Variants in OAS3 observed in about 807,000 individuals in gnomAD.
OAS3 encodes 2'-5'-oligoadenylate synthetase 3, also known as 2'-5'-oligoadenylate synthase 3.
In OAS3, 107 loss-of-function variants were observed where a neutral mutation model predicts 113.0. The ratio of observed to expected loss-of-function variants is 0.95; its 90% confidence interval spans 0.81 to 1.11. The LOEUF is 1.11. OAS3 is among the 50% of genes most tolerant of loss of function. The pLI, the probability that OAS3 is intolerant of heterozygous loss-of-function variation, is 0.00. For missense variants in OAS3, 1,258 were observed against 1,389.1 expected (o/e 0.91, Z 1.50); for synonymous variants, 552 against 573.6 (o/e 0.96, Z 0.54).
Position 112,949,997 on chromosome 12 carries a change from C to T in OAS3, c.1375-696C>T, listed in dbSNP as rs375011401. ...CCATGCCACTGCACTCCAGCCTGGG[C>T]GACAAGAGTGAAACTCCGTCTCAAA... On this transcript the variant is annotated intron_variant, in intron 6 of 15. Transcript: ENST00000228928. Among the ~76,000 whole-genome samples, 544 of 152,126 alleles carry T rather than the reference C, an allele frequency of 3.6e-3. 2 individuals are homozygous for T. The highest frequency in any genetic ancestry group is 0.012 in the African/African-American group (487 of 41,494).
chr12:112,951,014 A>T, intron 7 of OAS3, 39 bp downstream of exon 7: 2 of 1,577,312 alleles, frequency 1.3e-6, no homozygotes, highest in South Asian at 2.3e-5. Context: ...AGTGATAGGG[A>T]CCTCAGGCGC....
At chr12:112,942,350 G>T (rs1381643212) in intron 2 of OAS3, 1 of 192,766 alleles carries the variant, frequency 5.2e-6, no homozygotes, top group African/African-American at 2.3e-5. Flanking sequence ...TACTAATGGG[G>T]ATAATAGTAA....
rs139848842 is a variant in OAS3, at chr12:112,970,701, T to G, written c.*728T>G. On this transcript the variant is annotated 3_prime_UTR_variant, in exon 16 of 16. Transcript: ENST00000228928. ...GAGCTCGGTTGCTAGCAGGAGAGCATGCCCATATTGGCTTACTTTGTCTGC... is the reference window on the plus strand; with the variant it reads ...GAGCTCGGTTGCTAGCAGGAGAGCAGGCCCATATTGGCTTACTTTGTCTGC... 1 of 152,576 alleles carries G rather than the reference T, an allele frequency of 6.6e-6. No individual in the cohort carries two copies. Among genetic ancestry groups the G allele is most frequent in the East Asian group, 1.9e-4 (1 of 5,194 alleles). The allele number at this position is 152,576 out of a possible 1,614,324, so 9.5% of individuals were successfully genotyped here. A position where few individuals can be genotyped will look rare whatever the true frequency, so the allele number is the denominator to read the frequency against.
chr12:112,966,040 C>T lies in OAS3; in HGVS notation c.2689+11C>T, dbSNP rs2043930719. ...CCTTTGACGCCCTAGGTGAGGTGCC[C>T]TGGCGTAGACCTGAGAGGGGGAAAT... is the stretch of plus-strand genomic sequence containing the variant. On this transcript the variant is annotated intron_variant, in intron 12 of 15. Coordinates refer to ENST00000228928, the MANE Select transcript of OAS3 (RefSeq NM_006187.4). The T allele has an allele frequency of 1.2e-6, 2 of 1,613,400 alleles. No homozygotes were observed. The highest frequency in any genetic ancestry group is 1.7e-6 in the Non-Finnish European group (2 of 1,179,438).
At chr12:112,966,995 G>T (rs1055382070) in intron 12 of OAS3, among the ~76,000 whole-genome samples, 1 of 152,120 alleles carries the variant, frequency 6.6e-6, no homozygotes, top group Non-Finnish European at 1.5e-5. Context: ...GCAAGAATTT[G>T]GATATTAAGG....
intron 4 of OAS3, among the ~76,000 whole-genome samples, 173 bp from the exon 5 acceptor site, chr12:112,947,773 A>C (rs901351653): frequency 6.6e-6 from 1 of 152,220 alleles, no homozygotes; most frequent in African/African-American, 2.4e-5. Flanking sequence ...AATGATAAGC[A>C]GGCAATGTTG....
rs201050892 is a variant in OAS3 at position 112,950,798 on chromosome 12, G to A, written c.1480G>A (p.Ala494Thr). ...CTACAAGGACCAGGGGCCCCGCCGC[G>A]CAGAGATCCTTGATGAGATGCGAGC... ...TDYKDQGPRR[A>T]EILDEMRAQL... The change falls in exon 7 of 16, where the codon GCA becomes ACA. Residue 494 changes from alanine to threonine, a missense_variant. By Grantham distance (58) the Ala-to-Thr change is moderately conservative (BLOSUM62 0). Transcript: ENST00000228928. 2.0e-5 allele frequency: 33 copies of A among 1,613,882 alleles called. No homozygotes were observed. Among genetic ancestry groups the A allele is most frequent in the Middle Eastern group, 1.6e-4 (1 of 6,084 alleles).
Position 112,961,303 on chromosome 12 carries a change from C to A in OAS3, c.1833+57C>A. The A allele has an allele frequency of 2.7e-6, 4 of 1,505,522 alleles. No individual in the cohort carries two copies. The Admixed American group carries it at 5.4e-5, about 20-fold the overall frequency. 93.3% of individuals were successfully genotyped at this position (1,505,522 alleles called of 1,614,324 possible). A position where few individuals can be genotyped will look rare whatever the true frequency, so the allele number is the denominator to read the frequency against. ...ACCACTGTCATGGCAACCACCCCAG[C>A]CAATCAGTTCCTCCTCTACACCCAC... On this transcript the variant is annotated intron_variant, in intron 8 of 15. Transcript: ENST00000228928.
chr12:112,967,540 C>T lies in OAS3; in HGVS notation c.2812C>T (p.Arg938Cys), dbSNP rs773600696. 1.4e-5 allele frequency: 23 copies of T among 1,613,764 alleles called. No individual in the cohort carries two copies. In the African/African-American group the frequency reaches 1.7e-4, roughly 12 times the overall value. ...TELQRDFIIS[R>C]PTKLKSLIRL... Reference sequence around the variant, plus strand: ...GCTACAACGGGACTTCATCATCTCTCGCCCTACCAAGCTGAAGAGCCTGAT... The same window carrying T: ...GCTACAACGGGACTTCATCATCTCTTGCCCTACCAAGCTGAAGAGCCTGAT... The change falls in exon 13 of 16, where the codon CGC becomes TGC. Residue 938 changes from arginine (R) to cysteine (C), a missense_variant. Transcript: ENST00000228928.
At chr12:112,946,440 CTTTA>C (rs1385438166) in intron 3 of OAS3, among the ~76,000 whole-genome samples, 1 of 152,134 alleles carries the variant, frequency 6.6e-6, no homozygotes, top group Non-Finnish European at 1.5e-5. Context: ...TCTGCTTCAC[CTTTA>C]TTTGAGGATA....
intron 2 of OAS3, among the ~76,000 whole-genome samples, chr12:112,942,767 A>G (rs1235243996): frequency 6.6e-6 from 1 of 150,412 alleles, no homozygotes; most frequent in Non-Finnish European, 1.5e-5. Context: ...AGTGTTTACT[A>G]TTATTATTAT....
In OAS3 at chr12:112,961,358, T is replaced by A. The variant is rs541159468; in HGVS notation, c.1833+112T>A. 103 of 1,009,110 alleles carry A rather than the reference T, an allele frequency of 1.0e-4. No individual in the cohort carries two copies. The African/African-American group carries it at 1.6e-3, about 15-fold the overall frequency. The allele number at this position is 1,009,110 out of a possible 1,614,324, so 62.5% of individuals were successfully genotyped here. On this transcript the variant is annotated intron_variant, in intron 8 of 15. Transcript: ENST00000228928. ...CCCCTCCTTTGCTTCTTATTGGTCA[T>A]CCAGAGCAGAAGGACCGGCCTCCTC...
chr12:112,948,997 C>G lies in OAS3; in HGVS notation c.1166C>G (p.Pro389Arg). Residue 389 changes from proline to arginine, a missense_variant, in exon 6 of 16, where the codon CCT becomes CGT. Transcript: ENST00000228928. ...AGCAAACCTCCCTCATGCCCAGCTC[C>G]TGGCCCCACTGGGGCAGCCAGCATC... ...AGSKPPSCPA[P>R]GPTGAASIVP... is the part of the protein sequence containing the mutation. The G allele has an allele frequency of 6.2e-7, 1 of 1,614,064 alleles. No homozygotes were observed. Among genetic ancestry groups the G allele is most frequent in the Non-Finnish European group, 8.5e-7 (1 of 1,179,904 alleles).
chr12:112,969,835 C>A, intron 15 of OAS3, 80 bp downstream of exon 15: 1 of 1,593,696 alleles, frequency 6.3e-7, no homozygotes, highest in Non-Finnish European at 8.6e-7. Flanking sequence ...ATGATTCCCA[C>A]TAAAGGGGCA....
intron 4 of OAS3, 29 bp from the exon 5 acceptor site, chr12:112,947,917 A>G (rs1164475483): frequency 7.7e-6 from 12 of 1,552,052 alleles, no homozygotes; most frequent in South Asian, 1.2e-5. Flanking sequence ...CTTGCTAACC[A>G]GAACCTTCTT....
At position 112,961,172 on chromosome 12, in the gene OAS3, C is replaced by T. The variant is rs150622810; in HGVS notation, c.1759C>T (p.Arg587Trp). The change falls in exon 8 of 16, where the codon CGG becomes TGG. Residue 587 changes from arginine (R) to tryptophan (W), a missense_variant. Coordinates refer to ENST00000228928, the MANE Select transcript of OAS3 (RefSeq NM_006187.4). ...GEHKACFAEL[R>W]RNFMNIRPVK... ...GCATAAGGCCTGCTTCGCAGAGCTG[C>T]GGAGGAACTTCATGAACATTCGCCC... 3.6e-5 allele frequency: 58 copies of T among 1,613,310 alleles called. No individual in the cohort carries two copies. Among genetic ancestry groups the T allele is most frequent in the Admixed American group, 1.3e-4 (8 of 60,006 alleles).
intron 8 of OAS3, among the ~76,000 whole-genome samples, chr12:112,962,027 G>C (rs547446195): frequency 2.0e-5 from 3 of 152,212 alleles, no homozygotes; most frequent in Admixed American, 2.0e-4. Context: ...GAACTTCTGG[G>C]CTCAAGTAAT....
At chr12:112,961,747 G>A (rs1565980525) in intron 8 of OAS3, among the ~76,000 whole-genome samples, 1 of 151,690 alleles carries the variant, frequency 6.6e-6, no homozygotes, top group South Asian at 2.1e-4. Context: ...GTGCCTGAAA[G>A]CAGATCTACT....
Position 112,968,121 on chromosome 12 carries a change from C to T in OAS3, c.3051C>T (p.Asn1017=), listed in dbSNP as rs769736705. Reference sequence around the variant, plus strand: ...GTATCTACTGGACCATCAACTACAACGCCAAGGACAAGACTGTTGGAGACT... The same window carrying T: ...GTATCTACTGGACCATCAACTACAATGCCAAGGACAAGACTGTTGGAGACT... The part of the protein sequence containing the change: ...QLCIYWTINY[N]AKDKTVGDFL... Residue 1017 remains asparagine, a synonymous_variant, in exon 14 of 16, where the codon AAC becomes AAT. Transcript: ENST00000228928. 87 of 1,613,848 alleles carry T rather than the reference C, an allele frequency of 5.4e-5. 1 individual carries two copies. In the Middle Eastern group the frequency reaches 6.6e-4, roughly 12 times the overall value.
Sources: gnomAD v4.1 joint callset for allele counts (sites outside exome capture counted in the v4.1 genomes callset) on GRCh38, gnomAD v4.1.1 for gene constraint, MANE v1.5 for transcripts, NCBI Gene and HGNC (gene_info 2026-07-23, HGNC 2026-07-21) for gene names.